TRAF5: variants seen among roughly 807,000 people sequenced by gnomAD.
TRAF5 encodes the protein TNF receptor-associated factor 5.
A neutral mutation model predicts 64.5 loss-of-function variants in TRAF5; 48 were observed. That is an observed-to-expected ratio of 0.74 (90% confidence interval 0.59 to 0.95). The LOEUF is 0.95. Ranked by LOEUF, TRAF5 falls within the 40% of genes least tolerant of loss-of-function variation. The pLI is 0.00. For missense variants in TRAF5, 545 were observed against 662.8 expected (o/e 0.82, Z 1.95); for synonymous variants, 206 against 240.5 (o/e 0.86, Z 1.33).
intron 1 of TRAF5, among the ~76,000 whole-genome samples, chr1:211,330,478 G>A (rs183844401): frequency 1.3e-5 from 2 of 151,708 alleles, no homozygotes; most frequent in African/African-American, 2.4e-5. Context: ...TCTGAGGCAG[G>A]TTCCCTCCCT....
At chr1:211,369,721 G>T in intron 9 of TRAF5, 129 bp downstream of exon 9, 1 of 1,085,156 alleles carries the variant, frequency 9.2e-7, no homozygotes, top group Middle Eastern at 2.8e-4. Context: ...ATGGTGCAAA[G>T]AACACTTGTA....
At chr1:211,370,234 T>A (rs562050868) in intron 9 of TRAF5, among the ~76,000 whole-genome samples, 245 of 152,258 alleles carry the variant, frequency 1.6e-3, no homozygotes, top group African/African-American at 5.7e-3. Flanking sequence ...TGAATTCTGA[T>A]GAATAATGTC....
intron 1 of TRAF5, among the ~76,000 whole-genome samples, chr1:211,333,685 A>T (rs771567671): frequency 1.6e-4 from 25 of 152,032 alleles, no homozygotes; most frequent in Admixed American, 2.6e-4. Flanking sequence ...TTTAGTAGAG[A>T]TGGGGTTTCA....
intron 1 of TRAF5, among the ~76,000 whole-genome samples, chr1:211,340,408 C>T (rs1702415475): frequency 6.6e-6 from 1 of 152,198 alleles, no homozygotes. Flanking sequence ...CCTCAGCCTC[C>T]CGAGTAGCTG....
chr1:211,365,811 A>G (rs1188940029), intron 8 of TRAF5, among the ~76,000 whole-genome samples: 2 of 152,192 alleles, frequency 1.3e-5, no homozygotes, highest in Non-Finnish European at 2.9e-5. Flanking sequence ...CTGCCTCTCA[A>G]TAGCCTGTCT....
chr1:211,340,379 G>A lies in TRAF5; in HGVS notation c.-1-12860G>A, dbSNP rs1458856124. ...GGCTCACTGCAACTTCCGCCTCTTG[G>A]GTTCAAGTGATTCTCCTGCCTCAGC... On this transcript the variant is annotated intron_variant, in intron 1 of 10. Transcript: ENST00000261464. Among the ~76,000 whole-genome samples the A allele has an allele frequency of 2.6e-5, 4 of 152,246 alleles. No homozygotes were observed. The East Asian group carries it at 5.8e-4, about 22-fold the overall frequency.
At chr1:211,359,766 T>G in intron 4 of TRAF5, 146 bp from the exon 5 acceptor site, 1 of 833,612 alleles carries the variant, frequency 1.2e-6, no homozygotes, top group Non-Finnish European at 1.9e-6. Context: ...CAGCATCCCC[T>G]GAGAGCCTAC....
intron 1 of TRAF5, among the ~76,000 whole-genome samples, chr1:211,327,343 C>T (rs1425150496): frequency 1.3e-5 from 2 of 152,340 alleles, no homozygotes; most frequent in Non-Finnish European, 2.9e-5. Context: ...GGCACCCTCT[C>T]CACCTTTGCA....
chr1:211,341,849 G>T (rs756063033), intron 1 of TRAF5, among the ~76,000 whole-genome samples: 1 of 152,188 alleles, frequency 6.6e-6, no homozygotes, highest in African/African-American at 2.4e-5. Context: ...AATGTTTAGC[G>T]CGAGATAGTC....
rs746269758 is a variant in TRAF5 at position 211,361,186 on chromosome 1, GC to G, written c.696+26del. 2,857 of 1,605,324 alleles carry G rather than the reference GC, an allele frequency of 1.8e-3. 7 individuals are homozygous for G. Among genetic ancestry groups the G allele is most frequent in the Non-Finnish European group, 2.2e-3 (2,545 of 1,172,148 alleles). On this transcript the variant is annotated intron_variant, in intron 7 of 10. Transcript: ENST00000261464. Reference sequence around the variant, plus strand: ...CGGTATGGAATGACTTTTTGTTTCTGCCTATACATTCTACTGTATAATTCAC... The same window carrying G: ...CGGTATGGAATGACTTTTTGTTTCTGCTATACATTCTACTGTATAATTCAC...
At chr1:211,370,665 A>C (rs961775650) in intron 9 of TRAF5, among the ~76,000 whole-genome samples, 2 of 152,332 alleles carry the variant, frequency 1.3e-5, no homozygotes, top group Non-Finnish European at 2.9e-5. Flanking sequence ...GCAGTCATCT[A>C]ACACAAAGCC....
intron 1 of TRAF5, among the ~76,000 whole-genome samples, chr1:211,341,853 G>C (rs1207491753): frequency 6.6e-6 from 1 of 152,208 alleles, no homozygotes; most frequent in Non-Finnish European, 1.5e-5. Context: ...TTTAGCGCGA[G>C]ATAGTCCAGT....
chr1:211,338,006 C>T (rs566697842), intron 1 of TRAF5, among the ~76,000 whole-genome samples: 49 of 152,250 alleles, frequency 3.2e-4, no homozygotes, highest in African/African-American at 1.1e-3. Flanking sequence ...GGAGCTGGGA[C>T]GTGCTCACCC....
chr1:211,334,985 G>A (rs553493876), intron 1 of TRAF5, among the ~76,000 whole-genome samples: 32 of 152,288 alleles, frequency 2.1e-4, no homozygotes, highest in African/African-American at 7.2e-4. Flanking sequence ...CTGCTGTGTG[G>A]CCCTTTGAAC....
intron 2 of TRAF5, among the ~76,000 whole-genome samples, chr1:211,354,071 A>T (rs772528387): frequency 6.6e-6 from 1 of 152,196 alleles, no homozygotes; most frequent in Non-Finnish European, 1.5e-5. Context: ...AAGAGCTACA[A>T]TGTGGAACAG....
chr1:211,370,213 A>G (rs1446574264), intron 9 of TRAF5, among the ~76,000 whole-genome samples: 1 of 152,212 alleles, frequency 6.6e-6, no homozygotes, highest in Non-Finnish European at 1.5e-5. Context: ...TGAACATTAA[A>G]TAACCATAAA....
At chr1:211,368,682 TAAGAG>T (rs1395215625) in intron 8 of TRAF5, among the ~76,000 whole-genome samples, 1 of 152,228 alleles carries the variant, frequency 6.6e-6, no homozygotes, top group Non-Finnish European at 1.5e-5. Context: ...GATATGGGAA[TAAGAG>T]AAGAGCTGTC....
chr1:211,341,888 G>A (rs1389270251), intron 1 of TRAF5, among the ~76,000 whole-genome samples: 1 of 152,196 alleles, frequency 6.6e-6, no homozygotes, highest in Non-Finnish European at 1.5e-5. Context: ...AAAATTGGGT[G>A]AAATGAGAAG....
intron 1 of TRAF5, among the ~76,000 whole-genome samples, chr1:211,332,353 T>C (rs1225432975): frequency 6.6e-6 from 1 of 152,222 alleles, no homozygotes; most frequent in African/African-American, 2.4e-5. Context: ...AAGGTTGACC[T>C]GATGCAAAGC....
Sources: gnomAD v4.1 joint callset for allele counts (sites outside exome capture counted in the v4.1 genomes callset) on GRCh38, gnomAD v4.1.1 for gene constraint, MANE v1.5 for transcripts, NCBI Gene and HGNC (gene_info 2026-07-23, HGNC 2026-07-21) for gene names.